RASGRP3: variants seen among roughly 807,000 people sequenced by gnomAD.
RASGRP3 encodes ras guanyl-releasing protein 3.
In RASGRP3, 54 loss-of-function variants were observed where a neutral mutation model predicts 82.7. The ratio of observed to expected loss-of-function variants is 0.65; its 90% CI spans 0.52 to 0.82. The LOEUF (loss-of-function observed/expected upper bound fraction) is 0.82, where lower values mean the gene tolerates loss of function less well. RASGRP3 is among the 40% of genes least tolerant of loss of function. The pLI is 0.00. For missense variants in RASGRP3, 861 were observed against 828.9 expected, an observed-to-expected ratio of 1.04 and a Z score of -0.48; for synonymous variants, 309 against 300.5, an observed-to-expected ratio of 1.03 and a Z score of -0.29.
chr2:33,464,114 ATTATT>A (rs1558406321), intron 2 of RASGRP3, among the ~76,000 whole-genome samples: 48 of 144,584 alleles, frequency 3.3e-4, no homozygotes, highest in African/African-American at 1.2e-3. Flanking sequence ...AATAATAATT[ATTATT>A]ATTATTATTA....
intron 1 of RASGRP3, among the ~76,000 whole-genome samples, chr2:33,480,826 T>A (rs914530185): frequency 4.6e-5 from 7 of 152,342 alleles, no homozygotes; most frequent in African/African-American, 1.7e-4. Context: ...ATTTGAAGTC[T>A]TTGGATTTTT....
chr2:33,541,595 A>G (rs1574466113), intron 12 of RASGRP3, among the ~76,000 whole-genome samples: 1 of 147,212 alleles, frequency 6.8e-6, no homozygotes, highest in East Asian at 1.9e-4. Flanking sequence ...CTGAGAGGTG[A>G]AAAAAAGCTT....
intron 2 of RASGRP3, among the ~76,000 whole-genome samples, chr2:33,450,991 C>G (rs1247601990): frequency 6.6e-6 from 1 of 151,218 alleles, no homozygotes; most frequent in South Asian, 2.1e-4. Context: ...GTGCCTGCCA[C>G]CACGCCTGGC....
intron 6 of RASGRP3, 82 bp from the exon 7 acceptor site, chr2:33,521,873 G>A: frequency 6.7e-7 from 1 of 1,498,176 alleles, no homozygotes; most frequent in Non-Finnish European, 8.9e-7. Context: ...CAAGCCAAGA[G>A]TTGCAGAGTC....
chr2:33,524,083 G>A, intron 8 of RASGRP3, 31 bp downstream of exon 8: 1 of 1,599,868 alleles, frequency 6.3e-7, no homozygotes, highest in Non-Finnish European at 8.6e-7. Context: ...GGGTTCTTGA[G>A]TTCTAGATGT....
At chr2:33,453,538 C>A (rs567322562) in intron 2 of RASGRP3, among the ~76,000 whole-genome samples, 1 of 152,252 alleles carries the variant, frequency 6.6e-6, no homozygotes, top group South Asian at 2.1e-4. Flanking sequence ...TTATTGGATA[C>A]CCTTATAAGG....
Position 33,556,667 on chromosome 2 carries a change from G to A in RASGRP3, c.1579+1100G>A, listed in dbSNP as rs752873094. 2.1e-4 allele frequency among the ~76,000 whole-genome samples: 32 copies of A among 152,080 alleles called. 1 individual carries two copies. Among genetic ancestry groups the A allele is most frequent in the Non-Finnish European group, 3.7e-4 (25 of 67,992 alleles). On this transcript the variant is annotated intron_variant, in intron 15 of 17. Transcript: ENST00000403687. ...CCAGGGATGCCTTTTTTCTCCAGTC[G>A]TTTTCCAGTATTTCGTCCTCATTTT...
At chr2:33,540,569 TGTGTG>T (rs1558506562) in intron 12 of RASGRP3, among the ~76,000 whole-genome samples, 1 of 20,904 alleles carries the variant, frequency 4.8e-5, no homozygotes, top group African/African-American at 2.3e-4. Context: ...TGTGTGTGTG[TGTGTG>T]TGTGTGTGTG....
chr2:33,554,625 A>G (rs1298455443), intron 14 of RASGRP3, among the ~76,000 whole-genome samples: 1 of 151,980 alleles, frequency 6.6e-6, no homozygotes, highest in Admixed American at 6.5e-5. Context: ...GGCGCCCACC[A>G]TCATGACCAG....
Position 33,438,539 on chromosome 2 carries a change from G to A in RASGRP3, c.-385+1948G>A, listed in dbSNP as rs1343138360. On this transcript the variant is annotated intron_variant, in intron 1 of 18. Transcript: ENST00000402538. ...ATCGCGCCACTGCCCTCCAGCCTGG[G>A]CAATGGAGTGAGACTCCATCGCCAA... Among the ~76,000 whole-genome samples the A allele has an allele frequency of 2.0e-5, 3 of 148,020 alleles. No individual in the cohort carries two copies. The South Asian group carries it at 6.6e-4, about 32-fold the overall frequency.
intron 4 of RASGRP3, among the ~76,000 whole-genome samples, chr2:33,517,439 G>C (rs940377827): frequency 6.6e-6 from 1 of 152,190 alleles, no homozygotes; most frequent in African/African-American, 2.4e-5. Flanking sequence ...CAGGGAGGGG[G>C]AGCCTTAGAG....
At chr2:33,532,528 C>T (rs1461757723) in intron 10 of RASGRP3, 1 of 152,170 alleles carries the variant, frequency 6.6e-6, no homozygotes, top group Non-Finnish European at 1.5e-5. Flanking sequence ...CTACTTGGCT[C>T]TTTTATATAA....
chr2:33,464,096 T>TTAATAATAATAA (rs141203941), intron 2 of RASGRP3, among the ~76,000 whole-genome samples: 19 of 134,528 alleles, frequency 1.4e-4, no homozygotes, highest in African/African-American at 3.8e-4. Flanking sequence ...ATATTCAAAC[T>TTAATAATAATAA]TAATAATAAT....
chr2:33,454,418 C>G (rs1488704002), intron 2 of RASGRP3, among the ~76,000 whole-genome samples: 1 of 152,082 alleles, frequency 6.6e-6, no homozygotes, highest in East Asian at 1.9e-4. Context: ...AAAGATGTGA[C>G]CAAGGTAGAG....
At chr2:33,513,382 CAT>C (rs1277225715) in intron 2 of RASGRP3, among the ~76,000 whole-genome samples, 1 of 152,086 alleles carries the variant, frequency 6.6e-6, no homozygotes, top group Non-Finnish European at 1.5e-5. Context: ...TATTCATTCA[CAT>C]GTTTGTTTTC....
intron 6 of RASGRP3, among the ~76,000 whole-genome samples, chr2:33,520,938 T>C (rs1329809236): frequency 1.3e-5 from 2 of 152,214 alleles, no homozygotes; most frequent in Non-Finnish European, 2.9e-5. Context: ...GGACACAAGA[T>C]AGCACATGAA....
At chr2:33,559,755 G>A (rs540338565) in intron 17 of RASGRP3, 21 of 421,110 alleles carry the variant, frequency 5.0e-5, no homozygotes, top group South Asian at 1.8e-4. Flanking sequence ...CCACCCTGTC[G>A]AATTGTTCTC....
intron 1 of RASGRP3, among the ~76,000 whole-genome samples, chr2:33,504,141 T>C (rs1298148635): frequency 1.3e-5 from 2 of 152,236 alleles, no homozygotes; most frequent in East Asian, 3.8e-4. Flanking sequence ...ATCCTATGCC[T>C]AATTCTGGAA....
chr2:33,507,805 C>T (rs140370009), intron 1 of RASGRP3, among the ~76,000 whole-genome samples: 7,313 of 152,262 alleles, frequency 0.048, 586 homozygotes, highest in African/African-American at 0.16. Context: ...GGATTACAGG[C>T]GTGAGCCACC....
Sources: allele counts gnomAD v4.1 joint callset (sites outside exome capture counted in the v4.1 genomes callset), GRCh38; gene constraint gnomAD v4.1.1; transcripts MANE v1.5; gene names NCBI Gene and HGNC (gene_info 2026-07-23, HGNC 2026-07-21).